BFSP1: variants seen among roughly 807,000 people sequenced by gnomAD.
BFSP1 encodes the protein filensin.
In BFSP1, 38 loss-of-function variants were observed where a neutral mutation model predicts 43.9. The observed-to-expected ratio is 0.87, with a 90% CI of 0.67 to 1.14. The LOEUF (loss-of-function observed/expected upper bound fraction) is 1.14, where lower values mean the gene tolerates loss of function less well. Among genes scored for constraint, BFSP1 ranks in the 50% most tolerant of loss-of-function variants. The pLI is 0.00. For synonymous variants in BFSP1, 352 were observed against 354.8 expected (o/e 0.99, Z 0.09); for missense variants, 850 against 875.1 (o/e 0.97, Z 0.36).
At chr20:17,562,318 GT>G (rs368943111), upstream of BFSP1, among the ~76,000 whole-genome samples, 151,113 of 151,114 alleles carry the variant, frequency 1, 75,556 homozygotes, top group Middle Eastern at 1. Flanking sequence ...AAGGTCAGGA[GT>G]TTTGAGACCA....
chr20:17,539,105 C>CTTCTTTTTTTTT lies in BFSP1; in HGVS notation c.3-14198_3-14197insAAAAAAAAAGAA, dbSNP rs34002192. Among the ~76,000 whole-genome samples, 44 of 63,564 alleles carry CTTCTTTTTTTTT rather than the reference C, an allele frequency of 6.9e-4. 1 individual carries two copies. The highest frequency in any genetic ancestry group is 2.0e-3 in the East Asian group (4 of 1,956). 41.7% of individuals were successfully genotyped at this position (63,564 alleles called of 152,430 possible). ...TGCATCCATGAATATATTTCTTCTT[C>CTTCTTTTTTTTT]TTTTTTTTTTTTTTTTTTTTTTTTT... is the stretch of plus-strand genomic sequence containing the variant. On this transcript the variant is annotated intron_variant, in intron 1 of 7. Transcript: ENST00000377868.
Position 17,512,212 on chromosome 20 carries a change from A to G in BFSP1, c.535-144T>C, listed in dbSNP as rs188384552. The G allele has an allele frequency of 6.6e-4, 411 of 625,302 alleles. No homozygotes were observed. The African/African-American group carries it at 6.8e-3, about 10-fold the overall frequency. The allele number at this position is 625,302 out of a possible 1,614,324, so 38.7% of individuals were successfully genotyped here. A position where few individuals can be genotyped will look rare whatever the true frequency, so the allele number is the denominator to read the frequency against. The stretch of plus-strand genomic sequence containing the variant: ...ACCATGACCAGGTTCAGGAGGAAGA[A>G]GAGACTGATGCATTTGCTGCCATGG... On this transcript the variant is annotated intron_variant, in intron 3 of 7. Transcript: ENST00000377873.
chr20:17,497,595 T>C lies in BFSP1; in HGVS notation c.957-572A>G, dbSNP rs1397342826. On this transcript the variant is annotated intron_variant, in intron 6 of 7. Coordinates refer to ENST00000377873, the MANE Select transcript of BFSP1 (RefSeq NM_001195.5). ...ATGTATATATACGTATATATATACGTGTATATATATACGTATATATACATA... is the reference window on the plus strand; with the variant it reads ...ATGTATATATACGTATATATATACGCGTATATATATACGTATATATACATA... Among the ~76,000 whole-genome samples, 7 of 77,920 alleles carry C rather than the reference T, an allele frequency of 9.0e-5. No homozygotes were observed. The East Asian group carries it at 1.7e-3, about 19-fold the overall frequency. 51.1% of individuals were successfully genotyped at this position (77,920 alleles called of 152,430 possible).
At chr20:17,558,708 G>C in exon 1 of BFSP1, 1 of 1,551,850 alleles carries the variant, frequency 6.4e-7, no homozygotes, top group South Asian at 1.2e-5. Flanking sequence ...CAGCATGGAG[G>C]CTCCTTCTGT....
rs1248974741 is a variant in BFSP1, at chr20:17,530,985, C to T, written c.345G>A (p.Glu115=). 4 of 1,438,984 alleles carry T rather than the reference C, an allele frequency of 2.8e-6. No individual in the cohort carries two copies. Among genetic ancestry groups the T allele is most frequent in the African/African-American group, 1.5e-5 (1 of 67,554 alleles). The allele number at this position is 1,438,984 out of a possible 1,614,324, so 89.1% of individuals were successfully genotyped here. A position where few individuals can be genotyped will look rare whatever the true frequency, so the allele number is the denominator to read the frequency against. ...ERARLERQGT[E]AQRALDEFRS... ...GGAACTCGTCGAGCGCGCGCTGCGC[C>T]TCGGTGCCCTGGCGCTCCAGCCGGG... is the stretch of plus-strand genomic sequence containing the variant. The change falls in exon 1 of 8, where the codon GAG becomes GAA. Residue 115 remains glutamate, a synonymous_variant. Transcript: ENST00000377873.
At chr20:17,497,450 A>T (rs1600629790) in intron 6 of BFSP1, among the ~76,000 whole-genome samples, 2 of 57,590 alleles carry the variant, frequency 3.5e-5, no homozygotes, top group East Asian at 8.0e-4. Flanking sequence ...ACGTGTATGT[A>T]TATATATATA....
Position 17,494,168 on chromosome 20 carries a change from C to G in BFSP1, c.1904G>C (p.Ser635Thr). 1.2e-6 allele frequency: 2 copies of G among 1,614,154 alleles called. No individual in the cohort carries two copies. The highest frequency in any genetic ancestry group is 2.2e-5 in the South Asian group (2 of 91,084). The change falls in exon 8 of 8, where the codon AGC becomes ACC. Residue 635 changes from serine (S) to threonine (T), a missense_variant. Transcript: ENST00000377873. Reference sequence around the variant, plus strand: ...AGCGGTTTCTTCATATGTCTGAATGCTCTCCGTGGAAATCTTCTCGATAGA... The same window carrying G: ...AGCGGTTTCTTCATATGTCTGAATGGTCTCCGTGGAAATCTTCTCGATAGA... The part of the protein sequence containing the change: ...VESIEKISTE[S>T]IQTYEETAVI...
chr20:17,534,445 C>T (rs1488957485), upstream of BFSP1, among the ~76,000 whole-genome samples: 4 of 152,218 alleles, frequency 2.6e-5, no homozygotes, highest in African/African-American at 7.2e-5. Context: ...GACACATTTA[C>T]ACCCACTATC....
intron 4 of BFSP1, among the ~76,000 whole-genome samples, chr20:17,511,011 T>C (rs991279604): frequency 2.0e-4 from 31 of 152,210 alleles, no homozygotes; most frequent in Non-Finnish European, 5.9e-5. Context: ...GGGGTCTTGC[T>C]ATGTTGTTCA....
rs1251860733 is a variant in BFSP1 at position 17,525,910 on chromosome 20, A to G, written c.378-1002T>C. ...AGCTTCCAGATACCTTTAGTTAAGT[A>G]ATGGTGTATGTGTGCCCTTTGCTTC... On this transcript the variant is annotated intron_variant, in intron 1 of 7. Transcript: ENST00000377873. This position sits in a 1 kb window ranked among gnomAD's most constrained non-coding sequence, Gnocchi z 4.2. Among the ~76,000 whole-genome samples, 1 of 151,974 alleles carries G rather than the reference A, an allele frequency of 6.6e-6. No homozygotes were observed. Among genetic ancestry groups the G allele is most frequent in the African/African-American group, 2.4e-5 (1 of 41,388 alleles).
chr20:17,494,647 C>T lies in BFSP1; in HGVS notation c.1425G>A (p.Gly475=). 1 of 1,614,168 alleles carries T rather than the reference C, an allele frequency of 6.2e-7. No homozygotes were observed. Among genetic ancestry groups the T allele is most frequent in the Non-Finnish European group, 8.5e-7 (1 of 1,180,038 alleles). ...YTKERHVLVT[G]DANYVDPRFY... ...ATCTAGGGTCCACGTAATTGGCATC[C>T]CCTGTGACCAGCACGTGCCGCTCTT... Residue 475 remains glycine (G), a synonymous_variant, in exon 8 of 8, where the codon GGG becomes GGA. Transcript: ENST00000377873.
chr20:17,493,969 T>C lies in BFSP1; in HGVS notation c.*105A>G. ...AATGCCAGATGGGTCAACTATGGTC[T>C]AATCCAAACAGGAACCCTCACCCTT... is the stretch of plus-strand genomic sequence containing the variant. On this transcript the variant is annotated 3_prime_UTR_variant, in exon 8 of 8. Transcript: ENST00000377873. 1 of 1,130,012 alleles carries C rather than the reference T, an allele frequency of 8.8e-7. No homozygotes were observed. Among genetic ancestry groups the C allele is most frequent in the Non-Finnish European group, 1.3e-6 (1 of 791,640 alleles). 70.0% of individuals were successfully genotyped at this position (1,130,012 alleles called of 1,614,324 possible).
chr20:17,497,097 A>T, intron 6 of BFSP1, 74 bp from the exon 7 acceptor site: 1 of 1,221,644 alleles, frequency 8.2e-7, no homozygotes, highest in Non-Finnish European at 1.1e-6. Context: ...ATGTTGAGCA[A>T]AAATGAAAAA....
rs754138243 is a variant in BFSP1, at chr20:17,495,005, A to G, written c.1067T>C (p.Ile356Thr). 2 of 1,613,552 alleles carry G rather than the reference A, an allele frequency of 1.2e-6. No individual in the cohort carries two copies. The highest frequency in any genetic ancestry group is 1.7e-6 in the Non-Finnish European group (2 of 1,179,860). Residue 356 changes from isoleucine to threonine, a missense_variant, in exon 8 of 8, where the codon ATA becomes ACA. Transcript: ENST00000377873. ...TTTTTGTCTTGGTTTTGCTGCTGTT[A>G]TATCCTGCAGAGCTCTGGTAAGATC... ...GKDLTRALQDITAAKPRQKAL... is the reference protein window; with the variant it reads ...GKDLTRALQDTTAAKPRQKAL...
At chr20:17,500,974 G>T (rs984890558) in intron 5 of BFSP1, among the ~76,000 whole-genome samples, 3 of 152,118 alleles carry the variant, frequency 2.0e-5, no homozygotes, top group African/African-American at 7.2e-5. Context: ...CCACCTGAGG[G>T]TGTTAAGAGT....
intron 5 of BFSP1, among the ~76,000 whole-genome samples, chr20:17,499,681 G>A (rs1214049409): frequency 1.3e-5 from 2 of 152,152 alleles, no homozygotes; most frequent in Admixed American, 6.5e-5. Flanking sequence ...CAGAACTTTG[G>A]GAGGCCGAGG....
exon 1 of BFSP1, chr20:17,558,734 A>C: frequency 6.4e-7 from 1 of 1,551,508 alleles, no homozygotes; most frequent in Non-Finnish European, 8.7e-7. Context: ...TTGAAAATCC[A>C]TTCAGCTCAC....
chr20:17,531,298 C>T lies in BFSP1; in HGVS notation c.32G>A (p.Arg11His). 2.0e-6 allele frequency: 3 copies of T among 1,473,404 alleles called. No homozygotes were observed. The highest frequency in any genetic ancestry group is 1.8e-6 in the Non-Finnish European group (2 of 1,118,856). The allele number at this position is 1,473,404 out of a possible 1,614,324, so 91.3% of individuals were successfully genotyped here. The change falls in exon 1 of 8, where the codon CGC (arginine) becomes CAC (histidine). Residue 11 changes from arginine (R) to histidine (H), a missense_variant. Coordinates refer to ENST00000377873, the MANE Select transcript of BFSP1 (RefSeq NM_001195.5). Reference sequence around the variant, plus strand: ...GTCGGCGTGCTCGTACTGCTCCTTGCGGGTCTGGAAGACGTAGCTGCGCCG... The same window carrying T: ...GTCGGCGTGCTCGTACTGCTCCTTGTGGGTCTGGAAGACGTAGCTGCGCCG... MYRRSYVFQT[R>H]KEQYEHADEA...
intron 2 of BFSP1, among the ~76,000 whole-genome samples, chr20:17,516,037 A>G (rs1600652918): frequency 6.6e-6 from 1 of 152,178 alleles, no homozygotes; most frequent in Non-Finnish European, 1.5e-5. Flanking sequence ...CTCTTAAGAA[A>G]GGCACTTGGG....
Sources: allele counts gnomAD v4.1 joint callset (sites outside exome capture counted in the v4.1 genomes callset), GRCh38; gene constraint gnomAD v4.1.1; non-coding constraint Gnocchi (gnomAD v3.1); transcripts MANE v1.5; gene names NCBI Gene and HGNC (gene_info 2026-07-23, HGNC 2026-07-21).